The following ZNF407 variants were observed in gnomAD, a reference collection of about 807,000 sequenced individuals.
ZNF407 encodes the protein zinc finger protein 407.
In ZNF407, 17 loss-of-function variants were observed where a neutral mutation model predicts 131.2. That is an observed-to-expected ratio of 0.13 (90% CI 0.09 to 0.19). The LOEUF (loss-of-function observed/expected upper bound fraction) is 0.19. Among genes scored for constraint, ZNF407 ranks in the 10% least tolerant of loss-of-function variants. ZNF407 has a pLI of 1.00. For missense variants in ZNF407, 2,681 were observed against 2,830.6 expected, an observed-to-expected ratio of 0.95 and a Z score of 1.20; for synonymous variants, 1,156 against 1,062.0, an observed-to-expected ratio of 1.09 and a Z score of -1.72.
At chr18:74,773,265 T>C (rs1466795983) in intron 3 of ZNF407, among the ~76,000 whole-genome samples, 1 of 151,522 alleles carries the variant, frequency 6.6e-6, no homozygotes, top group African/African-American at 2.4e-5. Flanking sequence ...TTTGGAACTA[T>C]CAGTAGAAGC....
chr18:74,690,391 G>C (rs1190080096), intron 3 of ZNF407, among the ~76,000 whole-genome samples: 1 of 150,792 alleles, frequency 6.6e-6, no homozygotes, highest in Non-Finnish European at 1.5e-5. Context: ...AGAAATAAAA[G>C]AGAAAACATT....
intron 3 of ZNF407, among the ~76,000 whole-genome samples, chr18:74,669,088 C>T (rs1181930672): frequency 6.6e-6 from 1 of 152,132 alleles, no homozygotes; most frequent in East Asian, 1.9e-4. Flanking sequence ...TTCCTACTTC[C>T]TGAACCCTTG....
intron 3 of ZNF407, among the ~76,000 whole-genome samples, chr18:74,739,597 C>T (rs1040204961): frequency 4.0e-5 from 6 of 151,456 alleles, no homozygotes; most frequent in African/African-American, 1.5e-4. Context: ...TTTTTTGAAG[C>T]TGGGCTAATA....
intron 4 of ZNF407, among the ~76,000 whole-genome samples, chr18:74,847,863 A>C (rs1472851483): frequency 2.6e-5 from 4 of 151,998 alleles, no homozygotes; most frequent in Admixed American, 6.6e-5. Context: ...AAAAAAAAAA[A>C]AACACGCTAC....
rs1448106870 is a variant in ZNF407, at chr18:75,063,586, G to A, written c.5865G>A (p.Glu1955=). ...CCATGGAAGGCCACGGCATGGATGA[G>A]TCCCTCAGTCCAGGTGGCGCTGTGA... ...GGSMEGHGMD[E]SLSPGGAVIQ... Residue 1955 remains glutamate, a synonymous_variant, in exon 9 of 9, where the codon GAG becomes GAA. Coordinates refer to ENST00000299687, the MANE Select transcript of ZNF407 (RefSeq NM_017757.3). The surrounding 1 kb of genome is among the most constrained non-coding windows in gnomAD (Gnocchi z 6.6). 1 of 1,569,722 alleles carries A rather than the reference G, an allele frequency of 6.4e-7. No individual in the cohort carries two copies. Among genetic ancestry groups the A allele is most frequent in the African/African-American group, 1.4e-5 (1 of 74,010 alleles).
At chr18:75,009,502 A>G (rs960132789) in intron 8 of ZNF407, among the ~76,000 whole-genome samples, 5 of 152,160 alleles carry the variant, frequency 3.3e-5, no homozygotes, top group Admixed American at 1.3e-4. Context: ...ATTTCTAGCT[A>G]TGTGTTGATT....
At position 75,064,531 on chromosome 18, in the gene ZNF407, C is replaced by T. The variant is rs193108163; in HGVS notation, c.*63C>T. On this transcript the variant is annotated 3_prime_UTR_variant, in exon 9 of 9. Transcript: ENST00000299687. ...GGAAGGTCCAGCTTCGGTGGGGGAC[C>T]GTGTTCCCTGAGCTTCATCTGAAAC... The T allele has an allele frequency of 2.6e-4, 345 of 1,347,586 alleles. 2 individuals carry two copies. The African/African-American group carries it at 4.6e-3, about 18-fold the overall frequency. 83.5% of individuals were successfully genotyped at this position (1,347,586 alleles called of 1,614,324 possible). A position where few individuals can be genotyped will look rare whatever the true frequency, so the allele number is the denominator to read the frequency against.
chr18:74,904,048 G>C (rs1036959265), intron 7 of ZNF407, among the ~76,000 whole-genome samples: 1 of 152,176 alleles, frequency 6.6e-6, no homozygotes, highest in Non-Finnish European at 1.5e-5. Flanking sequence ...GACTTCTGTG[G>C]CCATGAAGGC....
intron 8 of ZNF407, among the ~76,000 whole-genome samples, chr18:75,020,862 C>T (rs1294982677): frequency 2.0e-5 from 3 of 152,144 alleles, no homozygotes; most frequent in Non-Finnish European, 4.4e-5. Context: ...GAAACCTGAA[C>T]AGAGGAACTG....
intron 8 of ZNF407, among the ~76,000 whole-genome samples, chr18:75,007,457 C>T (rs1333687205): frequency 1.3e-5 from 2 of 152,280 alleles, no homozygotes; most frequent in East Asian, 1.9e-4. Flanking sequence ...GACCCTTTTG[C>T]GCTAACAAGT....
At chr18:74,760,074 TCA>T (rs1969061097) in intron 3 of ZNF407, among the ~76,000 whole-genome samples, 1 of 152,096 alleles carries the variant, frequency 6.6e-6, no homozygotes, top group Non-Finnish European at 1.5e-5. Flanking sequence ...CCCTTCCTCC[TCA>T]GAGTTTACTT....
chr18:75,064,464 C>A lies in ZNF407; in HGVS notation c.6743C>A (p.Ala2248Glu). 7 of 1,481,744 alleles carry A rather than the reference C, an allele frequency of 4.7e-6. No homozygotes were observed. The highest frequency in any genetic ancestry group is 6.3e-6 in the Non-Finnish European group (7 of 1,112,840). The allele number at this position is 1,481,744 out of a possible 1,614,324, so 91.8% of individuals were successfully genotyped here. The change falls in exon 9 of 9, where the codon GCA (alanine) becomes GAA (glutamate). Residue 2248 changes from alanine to glutamate, a missense_variant. Ala to Glu is a moderately radical substitution (Grantham distance 107). Coordinates refer to ENST00000299687, the MANE Select transcript of ZNF407 (RefSeq NM_017757.3). ...AGAGAAAGCAGCGAACTCCAGGAAG[C>A]ATGAGACGCGCGGCACCTTTACTCA... ...SQRESSELQEA is the reference protein window; with the variant it reads ...SQRESSELQEE
intron 3 of ZNF407, among the ~76,000 whole-genome samples, chr18:74,712,885 C>A (rs1016521249): frequency 6.6e-6 from 1 of 152,104 alleles, no homozygotes; most frequent in Non-Finnish European, 1.5e-5. Flanking sequence ...CTGGAGCATA[C>A]AGAAGGAAGA....
intron 8 of ZNF407, among the ~76,000 whole-genome samples, chr18:75,061,093 C>T (rs1288499583): frequency 6.6e-6 from 1 of 152,164 alleles, no homozygotes; most frequent in Non-Finnish European, 1.5e-5. Flanking sequence ...TGCAGAACAC[C>T]ACCAACACGA....
At chr18:75,015,496 G>A (rs1452725737) in intron 8 of ZNF407, among the ~76,000 whole-genome samples, 3 of 146,504 alleles carry the variant, frequency 2.0e-5, no homozygotes, top group South Asian at 2.1e-4. Context: ...TGATGAGAAT[G>A]GAGAATATAT....
chr18:74,825,891 A>T (rs1599179282), intron 4 of ZNF407, among the ~76,000 whole-genome samples: 2 of 152,378 alleles, frequency 1.3e-5, no homozygotes, highest in African/African-American at 4.8e-5. Context: ...ACAGGAACCC[A>T]GTATGGAATG....
chr18:74,928,511 GAAT>G (rs1971941793), intron 8 of ZNF407, among the ~76,000 whole-genome samples: 4 of 152,318 alleles, frequency 2.6e-5, no homozygotes, highest in Admixed American at 2.6e-4. Flanking sequence ...ATTCTCTACA[GAAT>G]GCAAATTTTC....
At position 74,900,743 on chromosome 18, in the gene ZNF407, C is replaced by T. The variant is rs543060297; in HGVS notation, c.5249+10705C>T. Among the ~76,000 whole-genome samples the T allele has an allele frequency of 5.9e-5, 9 of 152,302 alleles. No individual in the cohort carries two copies. In the East Asian group the frequency reaches 1.2e-3, roughly 20 times the overall value. ...TTCTCTTGATGACACCTGACTCCTG[C>T]ACGTATTTACAGCCGTTCAATTTGT... is the stretch of plus-strand genomic sequence containing the variant. On this transcript the variant is annotated intron_variant, in intron 7 of 8. Coordinates refer to ENST00000299687, the MANE Select transcript of ZNF407 (RefSeq NM_017757.3).
intron 3 of ZNF407, among the ~76,000 whole-genome samples, chr18:74,763,172 T>G (rs1264900976): frequency 1.3e-5 from 2 of 150,000 alleles, no homozygotes; most frequent in Non-Finnish European, 3.0e-5. Flanking sequence ...ATGTCCCTAA[T>G]GATTTTGAGC....
Sources: gnomAD v4.1 joint callset for allele counts (sites outside exome capture counted in the v4.1 genomes callset) on GRCh38, gnomAD v4.1.1 for gene constraint, Gnocchi (gnomAD v3.1) non-coding constraint, MANE v1.5 for transcripts, NCBI Gene and HGNC (gene_info 2026-07-23, HGNC 2026-07-21) for gene names.